The following CPSF4L variants were observed in gnomAD, a reference collection of about 807,000 sequenced individuals.
CPSF4L encodes the protein cleavage and polyadenylation specific factor 4 like, also known as putative cleavage and polyadenylation specificity factor subunit 4-like protein.
Under a neutral mutation model 24.0 loss-of-function variants are expected in CPSF4L, and 18 were observed. That is an observed-to-expected ratio of 0.75 (90% CI 0.52 to 1.11). The LOEUF (loss-of-function observed/expected upper bound fraction) is 1.11, where lower values mean the gene tolerates loss of function less well. Among genes scored for constraint, CPSF4L ranks in the 50% least tolerant of loss-of-function variants. The pLI, the probability that CPSF4L is intolerant of heterozygous loss-of-function variation, is 0.00. For synonymous variants in CPSF4L, 72 were observed against 77.2 expected, an observed-to-expected ratio of 0.93 and a Z score of 0.35; for missense variants, 211 against 221.8, an observed-to-expected ratio of 0.95 and a Z score of 0.31.
Position 73,257,199 on chromosome 17 carries a change from G to A in CPSF4L, c.307+482C>T, listed in dbSNP as rs571277533. Among the ~76,000 whole-genome samples, 111 of 152,246 alleles carry A rather than the reference G, an allele frequency of 7.3e-4. 1 individual carries two copies. The highest frequency in any genetic ancestry group is 3.4e-3 in the Middle Eastern group (1 of 294). On this transcript the variant is annotated intron_variant, in intron 3 of 5. Coordinates refer to ENST00000344935, the MANE Select transcript of CPSF4L (RefSeq NM_001129885.1). ...TTCCAACAAGTGATGCTAGTTCTCC[G>A]TTTATGGAAACAATGCAAAGTTTCT...
intron 3 of CPSF4L, among the ~76,000 whole-genome samples, chr17:73,255,718 G>A (rs1350890081): frequency 1.3e-5 from 2 of 152,114 alleles, no homozygotes; most frequent in Admixed American, 1.3e-4. Flanking sequence ...GCTGACTCTG[G>A]GCTTGAGCTT....
At chr17:73,260,022 C>T (rs1172520977) in intron 2 of CPSF4L, among the ~76,000 whole-genome samples, 2 of 152,084 alleles carry the variant, frequency 1.3e-5, no homozygotes, top group African/African-American at 4.8e-5. Context: ...TCAGGCCTTC[C>T]CAGAATGGCT....
intron 3 of CPSF4L, among the ~76,000 whole-genome samples, chr17:73,256,296 G>A (rs2062024505): frequency 6.6e-6 from 1 of 152,218 alleles, no homozygotes; most frequent in Non-Finnish European, 1.5e-5. Context: ...GGAGACATGG[G>A]GGCAGCTCTC....
rs764923421 is a variant in CPSF4L at position 73,257,806 on chromosome 17, C to T, written c.182G>A (p.Arg61Gln). Residue 61 changes from arginine to glutamine, a missense_variant, in exon 3 of 6, where the codon CGA becomes CAA. Physicochemically the swap from Arg to Gln is conservative, Grantham distance 43. Transcript: ENST00000344935. ...KGKLCPFRHD[R>Q]GEKMVVCKHW... ...CTTGCATACCACCATCTTCTCCCCT[C>T]GGTCATGTCGGAAGGGGCAGAGTTT... 250 of 1,551,464 alleles carry T rather than the reference C, an allele frequency of 1.6e-4. No individual in the cohort carries two copies. The highest frequency in any genetic ancestry group is 2.1e-4 in the Non-Finnish European group (237 of 1,146,980).
chr17:73,246,713 A>T (rs1314884622), downstream of CPSF4L, among the ~76,000 whole-genome samples: 3 of 152,160 alleles, frequency 2.0e-5, no homozygotes, highest in Non-Finnish European at 4.4e-5. Context: ...ACAAATTCTC[A>T]TAGTTAAGGT....
chr17:73,258,857 C>T (rs1025112820), intron 2 of CPSF4L, among the ~76,000 whole-genome samples: 5 of 152,200 alleles, frequency 3.3e-5, no homozygotes, highest in African/African-American at 1.2e-4. Context: ...GTTGAATTCC[C>T]ATCTTTAAAA....
At chr17:73,263,230 T>G (rs915641523), upstream of CPSF4L, among the ~76,000 whole-genome samples, 1 of 152,146 alleles carries the variant, frequency 6.6e-6, no homozygotes, top group Non-Finnish European at 1.5e-5. Context: ...GCAGGACTGA[T>G]GAGGGAATCA....
At chr17:73,261,912 A>C, upstream of CPSF4L, 1 of 891,178 alleles carries the variant, frequency 1.1e-6, no homozygotes, top group African/African-American at 1.7e-5. Flanking sequence ...CCAGCGCCCA[A>C]TGCCTCCCCC....
At chr17:73,245,343 A>G (rs578211862), downstream of CPSF4L, 17 of 1,381,912 alleles carry the variant, frequency 1.2e-5, no homozygotes, top group East Asian at 1.9e-4. Context: ...GGAATCTAAA[A>G]TAATGATACA....
chr17:73,261,797 G>GC lies in CPSF4L; in HGVS notation c.21dup (p.Leu8AlafsTer39). ...TCGAAGGCAAAGGTGAACCGCTCTA[G>GC]CCCCGCAATGACCTCTTGCATCTTC... is the stretch of plus-strand genomic sequence containing the variant. On this transcript the variant is annotated frameshift_variant, in exon 1 of 6. Transcript: ENST00000344935. LOFTEE classifies it high-confidence loss of function. 1 of 1,551,702 alleles carries GC rather than the reference G, an allele frequency of 6.4e-7. No individual in the cohort carries two copies. The highest frequency in any genetic ancestry group is 8.7e-7 in the Non-Finnish European group (1 of 1,146,920).
In CPSF4L at chr17:73,261,724, C is replaced by T; in HGVS notation, c.95G>A (p.Gly32Asp). Reference sequence around the variant, plus strand: ...GCCCCACCCTCACTCACTGTCCATGCCCTGGAAAGGCAGGAGCCCAGTGCC... The same window carrying T: ...GCCCCACCCTCACTCACTGTCCATGTCCTGGAAAGGCAGGAGCCCAGTGCC... ...QKGTGLLPFQGMDKSASAVCN... is the reference protein window; with the variant it reads ...QKGTGLLPFQDMDKSASAVCN... Residue 32 changes from glycine (G) to aspartate (D), a missense_variant, in exon 1 of 6, where the codon GGC becomes GAC. By Grantham distance (94) the Gly-to-Asp change is moderately conservative (BLOSUM62 -1). Transcript: ENST00000344935. 2 of 1,549,740 alleles carry T rather than the reference C, an allele frequency of 1.3e-6. No individual in the cohort carries two copies. Among genetic ancestry groups the T allele is most frequent in the Non-Finnish European group, 8.7e-7 (1 of 1,145,216 alleles).
upstream of CPSF4L, chr17:73,262,365 G>A (rs2062050618): frequency 6.5e-6 from 1 of 152,920 alleles, no homozygotes; most frequent in Non-Finnish European, 1.5e-5. Flanking sequence ...TTTCTGGCCT[G>A]AGTGACAAGC....
chr17:73,261,793 T>C lies in CPSF4L; in HGVS notation c.26A>G (p.Glu9Gly), dbSNP rs1447038020. 3 of 1,551,746 alleles carry C rather than the reference T, an allele frequency of 1.9e-6. No homozygotes were observed. The highest frequency in any genetic ancestry group is 1.2e-5 in the South Asian group (1 of 84,062). Residue 9 changes from glutamate to glycine, a missense_variant, in exon 1 of 6, where the codon GAG becomes GGG. Transcript: ENST00000344935. MQEVIAGL[E>G]RFTFAFEKDV... The stretch of plus-strand genomic sequence containing the variant: ...CTTCTCGAAGGCAAAGGTGAACCGC[T>C]CTAGCCCCGCAATGACCTCTTGCAT...
intron 1 of CPSF4L, among the ~76,000 whole-genome samples, 162 bp downstream of exon 1, chr17:73,261,554 G>T (rs1221150197): frequency 6.6e-6 from 1 of 152,188 alleles, no homozygotes; most frequent in East Asian, 1.9e-4. Flanking sequence ...CCAGCTCCTC[G>T]GGAGGCTGAG....
At chr17:73,242,937 G>A in the CPSF4L span, 12 of 1,613,820 alleles carry the variant, frequency 7.4e-6, no homozygotes, top group East Asian at 2.2e-5. Context: ...GAGTGGATTC[G>A]GTGGCATCAC....
intron 2 of CPSF4L, among the ~76,000 whole-genome samples, chr17:73,260,630 G>A (rs1325367088): frequency 6.6e-6 from 1 of 152,122 alleles, no homozygotes; most frequent in African/African-American, 2.4e-5. Flanking sequence ...AGCCGGGCTT[G>A]GTGGCATGCA....
rs181212712 is a variant in CPSF4L at position 73,254,463 on chromosome 17, G to A, written c.308-437C>T. ...GGAAGCTGTTCCCCTTGGTGGAAAT[G>A]CAAAGAAAAGCAGAGCCCTGCTCAA... On this transcript the variant is annotated intron_variant, in intron 3 of 5. Transcript: ENST00000344935. Among the ~76,000 whole-genome samples, 670 of 152,318 alleles carry A rather than the reference G, an allele frequency of 4.4e-3. 2 individuals carry two copies. The highest frequency in any genetic ancestry group is 7.7e-3 in the South Asian group (37 of 4,820).
At chr17:73,257,338 G>T (rs1810682877) in intron 3 of CPSF4L, among the ~76,000 whole-genome samples, 1 of 152,068 alleles carries the variant, frequency 6.6e-6, no homozygotes, top group Non-Finnish European at 1.5e-5. Flanking sequence ...TATTCGAGAA[G>T]TTCTAGCCGG....
At chr17:73,250,339 T>C in intron 5 of CPSF4L, 1 of 1,549,980 alleles carries the variant, frequency 6.5e-7, no homozygotes, top group Non-Finnish European at 8.7e-7. Flanking sequence ...TGACTTTTTG[T>C]AAATTCAGAT....
Sources: gnomAD v4.1 joint callset for allele counts (sites outside exome capture counted in the v4.1 genomes callset) on GRCh38, gnomAD v4.1.1 for gene constraint, MANE v1.5 for transcripts, NCBI Gene and HGNC (gene_info 2026-07-23, HGNC 2026-07-21) for gene names.